Variants in GNG7 observed in about 807,000 individuals in gnomAD.
The protein encoded by GNG7 is guanine nucleotide-binding protein G(I)/G(S)/G(O) subunit gamma-7.
A neutral mutation model predicts 4.0 loss-of-function variants in GNG7; 1 was observed. That is an observed-to-expected ratio of 0.25 (90% CI 0.09 to 1.18). The LOEUF is 1.18. GNG7 is among the 50% of genes most tolerant of loss of function. The pLI, the probability that GNG7 is intolerant of heterozygous loss-of-function variation, is 0.50. For missense variants in GNG7, 86 were observed against 91.9 expected (o/e 0.94, Z 0.26); for synonymous variants, 34 against 36.9 (o/e 0.92, Z 0.29).
At chr19:2,550,172 A>G (rs753628489) in intron 3 of GNG7, among the ~76,000 whole-genome samples, 9 of 152,170 alleles carry the variant, frequency 5.9e-5, no homozygotes, top group Non-Finnish European at 1.3e-4. Flanking sequence ...ATGCAGCAGA[A>G]GGAGCGGCTG....
intron 1 of GNG7, among the ~76,000 whole-genome samples, chr19:2,699,293 C>T (rs940223699): frequency 3.9e-5 from 6 of 152,008 alleles, no homozygotes; most frequent in African/African-American, 9.7e-5. Context: ...GGATTACAGG[C>T]GTGTGCTACC....
rs894656851 is a variant in GNG7, at chr19:2,562,009, C to T, written c.-77-6821G>A. Among the ~76,000 whole-genome samples, 6 of 152,072 alleles carry T rather than the reference C, an allele frequency of 3.9e-5. No individual in the cohort carries two copies. In the East Asian group the frequency reaches 9.7e-4, roughly 24 times the overall value. On this transcript the variant is annotated intron_variant, in intron 2 of 4. Coordinates refer to ENST00000382159, the MANE Select transcript of GNG7 (RefSeq NM_052847.3). ...AACAGGAAACCCTGTTTCTGAGCTT[C>T]GCAGGCTCTTCTGGGAGACCAGCGG...
At chr19:2,637,127 C>T (rs1447668870) in intron 2 of GNG7, among the ~76,000 whole-genome samples, 1 of 151,978 alleles carries the variant, frequency 6.6e-6, no homozygotes, top group African/African-American at 2.4e-5. Context: ...CCAGGAAACT[C>T]CGTGGGCCTC....
At chr19:2,567,347 G>GTGTGTGTGTGTGTGTGTGTGTGTGTGTC (rs1979952302) in intron 2 of GNG7, among the ~76,000 whole-genome samples, 1 of 151,598 alleles carries the variant, frequency 6.6e-6, no homozygotes, top group African/African-American at 2.4e-5. Context: ...GTGTGTGTGT[G>GTGTGTGTGTGTGTGTGTGTGTGTGTGTC]TGTGACATAG....
rs142504821 is a variant in GNG7, at chr19:2,598,245, G to A, written c.-77-43057C>T. Among the ~76,000 whole-genome samples the A allele has an allele frequency of 4.3e-3, 653 of 152,288 alleles. 13 individuals carry two copies. In the East Asian group the frequency reaches 0.066, roughly 15 times the overall value. Reference sequence around the variant, plus strand: ...TCACAATCAAAACTAGTGGGCGGCCGGGCGCGGTGGCTCATATCTGTTAAT... The same window carrying A: ...TCACAATCAAAACTAGTGGGCGGCCAGGCGCGGTGGCTCATATCTGTTAAT... On this transcript the variant is annotated intron_variant, in intron 2 of 4. Transcript: ENST00000382159.
At chr19:2,686,500 C>T (rs534022783) in intron 1 of GNG7, among the ~76,000 whole-genome samples, 5 of 152,120 alleles carry the variant, frequency 3.3e-5, no homozygotes, top group South Asian at 2.1e-4. Context: ...GGCAAAGCTG[C>T]GCTCAACACC....
chr19:2,679,096 G>C (rs1482405888), intron 1 of GNG7, among the ~76,000 whole-genome samples: 1 of 152,150 alleles, frequency 6.6e-6, no homozygotes, highest in Non-Finnish European at 1.5e-5. Flanking sequence ...TGCCCAGGCT[G>C]GAATGCAGTG....
At chr19:2,608,316 G>GA (rs113405422) in intron 2 of GNG7, among the ~76,000 whole-genome samples, 165 of 144,590 alleles carry the variant, frequency 1.1e-3, no homozygotes, top group East Asian at 3.4e-3. Context: ...TTGCCCCTGG[G>GA]AAAAAAAAAA....
rs921359008 is a variant in GNG7, at chr19:2,646,262, C to T, written c.-116G>A. On this transcript the variant is annotated 5_prime_UTR_variant, in exon 2 of 5. Coordinates refer to ENST00000382159, the MANE Select transcript of GNG7 (RefSeq NM_052847.3). ...CTCGCCGTCTGCAGCACCGAGATCCCGAAACCAAGCTCCACTCCCTGGAAA... is the reference window on the plus strand; with the variant it reads ...CTCGCCGTCTGCAGCACCGAGATCCTGAAACCAAGCTCCACTCCCTGGAAA... 5.3e-5 allele frequency: 8 copies of T among 152,206 alleles called. No individual in the cohort carries two copies. The highest frequency in any genetic ancestry group is 5.2e-4 in the Admixed American group (8 of 15,262). The allele number at this position is 152,206 out of a possible 1,614,324, so 9.4% of individuals were successfully genotyped here.
In GNG7 at chr19:2,557,188, C is replaced by T. The variant is rs947616160; in HGVS notation, c.-77-2000G>A. ...CGCGCACACACGTACACACAAGACA[C>T]GTGCACACACATTTGCATGCACACA... On this transcript the variant is annotated intron_variant, in intron 2 of 4. Coordinates refer to ENST00000382159, the MANE Select transcript of GNG7 (RefSeq NM_052847.3). This position sits in a 1 kb window ranked among gnomAD's most constrained non-coding sequence, Gnocchi z 5.1. Among the ~76,000 whole-genome samples, 5 of 151,734 alleles carry T rather than the reference C, an allele frequency of 3.3e-5. No homozygotes were observed. Among genetic ancestry groups the T allele is most frequent in the African/African-American group, 9.7e-5 (4 of 41,174 alleles).
intron 2 of GNG7, among the ~76,000 whole-genome samples, chr19:2,581,166 T>C (rs1337871705): frequency 6.6e-6 from 1 of 152,026 alleles, no homozygotes; most frequent in Non-Finnish European, 1.5e-5. Flanking sequence ...GAAAATGCAC[T>C]ATGATGTCCC....
At chr19:2,699,578 G>A (rs1465681214) in intron 1 of GNG7, among the ~76,000 whole-genome samples, 1 of 152,206 alleles carries the variant, frequency 6.6e-6, no homozygotes, top group Non-Finnish European at 1.5e-5. Context: ...CATCAAAGGG[G>A]AGATGAGGTC....
Position 2,513,412 on chromosome 19 carries a change from A to C in GNG7, c.*1610T>G, listed in dbSNP as rs1599366924. Reference sequence around the variant, plus strand: ...CTGCGATCAGGGCTGCGTGGGGTCCATCTCAGGTGTGGCCGCAGGTGATGC... The same window carrying C: ...CTGCGATCAGGGCTGCGTGGGGTCCCTCTCAGGTGTGGCCGCAGGTGATGC... On this transcript the variant is annotated 3_prime_UTR_variant, in exon 5 of 5. Coordinates refer to ENST00000382159, the MANE Select transcript of GNG7 (RefSeq NM_052847.3). The C allele has an allele frequency of 5.3e-6, 4 of 760,692 alleles. No homozygotes were observed. The highest frequency in any genetic ancestry group is 6.4e-6 in the Non-Finnish European group (4 of 624,904). 47.1% of individuals were successfully genotyped at this position (760,692 alleles called of 1,614,324 possible).
At chr19:2,623,177 C>A (rs766994489) in intron 2 of GNG7, among the ~76,000 whole-genome samples, 13 of 151,990 alleles carry the variant, frequency 8.6e-5, no homozygotes, top group Non-Finnish European at 1.6e-4. Context: ...AAATAATTAG[C>A]CAGGCGTGGT....
At position 2,701,909 on chromosome 19, in the gene GNG7, C is replaced by T. The variant is rs539048577; in HGVS notation, c.-135+737G>A. On this transcript the variant is annotated intron_variant, in intron 1 of 4. Coordinates refer to ENST00000382159, the MANE Select transcript of GNG7 (RefSeq NM_052847.3). ...GCTAACCTCGACCTACAATTCCAGC[C>T]CCCTCCCCAGCTAGCTTGGACCTCC... is the stretch of plus-strand genomic sequence containing the variant. 2.2e-3 allele frequency among the ~76,000 whole-genome samples: 334 copies of T among 150,666 alleles called. 2 individuals carry two copies. The highest frequency in any genetic ancestry group is 3.3e-3 in the Non-Finnish European group (224 of 67,538).
intron 2 of GNG7, among the ~76,000 whole-genome samples, chr19:2,591,858 A>G (rs1980859360): frequency 6.6e-6 from 1 of 152,162 alleles, no homozygotes; most frequent in South Asian, 2.1e-4. Context: ...TGATGGCCAA[A>G]TAAATGAATA....
intron 2 of GNG7, among the ~76,000 whole-genome samples, chr19:2,644,201 A>C (rs972864644): frequency 2.6e-5 from 4 of 151,438 alleles, no homozygotes; most frequent in African/African-American, 9.7e-5. Flanking sequence ...TTGTATTTTT[A>C]GTAGAAACGG....
At chr19:2,520,903 C>A (rs891956987) in intron 3 of GNG7, among the ~76,000 whole-genome samples, 178 bp from the exon 4 acceptor site, 6 of 152,116 alleles carry the variant, frequency 3.9e-5, no homozygotes, top group Admixed American at 1.3e-4. Context: ...CAGCATAGAG[C>A]CTGGCACGCG....
intron 3 of GNG7, among the ~76,000 whole-genome samples, chr19:2,544,795 T>G (rs1031741879): frequency 1.1e-4 from 17 of 151,940 alleles, no homozygotes; most frequent in African/African-American, 4.1e-4. Flanking sequence ...GCTCCTGGCA[T>G]GGAGTGGGTG....
Sources: allele counts gnomAD v4.1 joint callset (sites outside exome capture counted in the v4.1 genomes callset), GRCh38; gene constraint gnomAD v4.1.1; non-coding constraint Gnocchi (gnomAD v3.1); transcripts MANE v1.5; gene names NCBI Gene and HGNC (gene_info 2026-07-23, HGNC 2026-07-21).